Variants in HAL observed in about 807,000 individuals in gnomAD.
HAL encodes histidase.
A neutral mutation model predicts 81.1 loss-of-function variants in HAL; 85 were observed. The observed-to-expected ratio is 1.05, with a 90% CI of 0.88 to 1.25. The LOEUF (loss-of-function observed/expected upper bound fraction) is 1.25, where lower values mean the gene tolerates loss of function less well. Ranked by LOEUF, HAL falls within the 50% of genes most tolerant of loss-of-function variation. The probability of loss-of-function intolerance (pLI) is 0.00; values close to 1 mark genes in which losing one functional copy is unlikely to be tolerated. For missense variants in HAL, 798 were observed against 836.6 expected (o/e 0.95, Z 0.57); for synonymous variants, 301 against 309.2 (o/e 0.97, Z 0.28).
At chr12:95,980,441 TA>T in intron 17 of HAL, 114 bp downstream of exon 17, 2 of 951,488 alleles carry the variant, frequency 2.1e-6, no homozygotes, top group Non-Finnish European at 3.4e-6. Context: ...AGGATGCAGA[TA>T]AAAGTGGTGA....
At chr12:95,992,952 C>T (rs1370944801) in intron 8 of HAL, 147 bp from the exon 9 acceptor site, 1 of 765,140 alleles carries the variant, frequency 1.3e-6, no homozygotes, top group African/African-American at 1.7e-5. Context: ...GACTACTCTC[C>T]CTCCTGCCTG....
rs547287013 is a variant in HAL, at chr12:95,984,836, G to C, written c.1207-845C>G. 1.2e-4 allele frequency among the ~76,000 whole-genome samples: 19 copies of C among 152,284 alleles called. No individual in the cohort carries two copies. The South Asian group carries it at 2.9e-3, about 23-fold the overall frequency. On this transcript the variant is annotated intron_variant, in intron 14 of 20. Coordinates refer to ENST00000261208, the MANE Select transcript of HAL (RefSeq NM_002108.4). ...CTAATTTGGCAATTCTTACCCATAG[G>C]TGTTTTGATCTATTGCTCAATAAGC...
At chr12:95,980,521 G>A (rs765177074) in intron 17 of HAL, 35 bp downstream of exon 17, 21 of 1,600,248 alleles carry the variant, frequency 1.3e-5, no homozygotes, top group Admixed American at 8.3e-5. Context: ...TTAGATGGAC[G>A]GGCGTGTGTT....
At chr12:95,974,611 G>C (rs1195752623) in intron 20 of HAL, among the ~76,000 whole-genome samples, 2 of 152,174 alleles carry the variant, frequency 1.3e-5, no homozygotes, top group African/African-American at 4.8e-5. Context: ...AAGATTTTAA[G>C]CTGCATACTT....
intron 1 of HAL, 30 bp from the exon 2 acceptor site, chr12:95,996,021 A>C: frequency 2.0e-6 from 2 of 1,013,264 alleles, no homozygotes; most frequent in Non-Finnish European, 1.5e-6. Flanking sequence ...CTTTCAAACC[A>C]CTCCCCCTCC....
Position 95,974,320 on chromosome 12 carries a change from G to C in HAL, c.1886C>G (p.Pro629Arg), listed in dbSNP as rs1474922801. 1 of 1,612,268 alleles carries C rather than the reference G, an allele frequency of 6.2e-7. No homozygotes were observed. The highest frequency in any genetic ancestry group is 2.2e-5 in the East Asian group (1 of 44,870). Residue 629 changes from proline (P) to arginine (R), a missense_variant, in exon 21 of 21, where the codon CCA becomes CGA. Coordinates refer to ENST00000261208, the MANE Select transcript of HAL (RefSeq NM_002108.4). ...TGTTGGAGAAAGAGGTCTTGATTCT[G>C]GAATATGCTCCATTCTGTATTTTTC... is the stretch of plus-strand genomic sequence containing the variant. ...YIEKYRMEHIPESRPLSPTAF... is the reference protein window; with the variant it reads ...YIEKYRMEHIRESRPLSPTAF...
chr12:95,975,707 T>G (rs2080710561), intron 20 of HAL, among the ~76,000 whole-genome samples: 2 of 152,240 alleles, frequency 1.3e-5, no homozygotes, highest in South Asian at 4.1e-4. Context: ...GCAAGCAGCT[T>G]CCCCATCCAG....
In HAL at chr12:95,994,779, A is replaced by G; in HGVS notation, c.336+19T>C. 6.2e-7 allele frequency: 1 copy of G among 1,612,300 alleles called. No individual in the cohort carries two copies. The highest frequency in any genetic ancestry group is 1.1e-5 in the South Asian group (1 of 91,054). On this transcript the variant is annotated intron_variant, in intron 4 of 20. Coordinates refer to ENST00000261208, the MANE Select transcript of HAL (RefSeq NM_002108.4). ...GGGCCTTAATTTTCTGAAGAAAAAG[A>G]AAGTGGTTTGAAGCTTACCTTTTCA...
chr12:95,983,225 T>C (rs995978783), intron 15 of HAL, among the ~76,000 whole-genome samples: 1 of 152,112 alleles, frequency 6.6e-6, no homozygotes, highest in African/African-American at 2.4e-5. Flanking sequence ...CTGTCTCTAC[T>C]AAAAATACAA....
rs1335636696 is a variant in HAL, at chr12:95,994,090, C to T, written c.411G>A (p.Lys137=). The change falls in exon 5 of 21, where the codon AAG becomes AAA. Residue 137 remains lysine (K), a splice_region_variant and synonymous_variant. Transcript: ENST00000261208. ...ACATCTTTCCCCTCCCTCCCCATAC[C>T]TTTATTTTGTAGCGTCCCTTTCCCA... ...VNLGKGRYKI[K]LTPTAEKRVQ... The T allele has an allele frequency of 6.2e-7, 1 of 1,612,468 alleles. No individual in the cohort carries two copies.
chr12:95,981,817 G>A (rs957256313), intron 15 of HAL, among the ~76,000 whole-genome samples: 2 of 152,164 alleles, frequency 1.3e-5, no homozygotes, highest in African/African-American at 4.8e-5. Context: ...CCAGGAAAAG[G>A]CAGTAACAGA....
chr12:95,995,899 G>A lies in HAL; in HGVS notation c.12C>T (p.Tyr4=), dbSNP rs1395219699. Residue 4 remains tyrosine, a synonymous_variant, in exon 2 of 21, where the codon TAC becomes TAT. Transcript: ENST00000261208. ...GCCATTCCCCACGTACGTGCACCGT[G>A]TATCTGGGCATGGCTCCGCTGCAGC... MPR[Y]TVHVRGEWLA... The A allele has an allele frequency of 6.2e-7, 1 of 1,604,508 alleles. No homozygotes were observed. The highest frequency in any genetic ancestry group is 1.1e-5 in the South Asian group (1 of 91,070).
chr12:95,992,607 T>C lies in HAL; in HGVS notation c.715+73A>G, dbSNP rs116031658. 6.0e-3 allele frequency: 7,997 copies of C among 1,342,970 alleles called. 37 individuals carry two copies. Among genetic ancestry groups the C allele is most frequent in the Non-Finnish European group, 7.1e-3 (6,669 of 937,522 alleles). 83.2% of individuals were successfully genotyped at this position (1,342,970 alleles called of 1,614,324 possible). A position where few individuals can be genotyped will look rare whatever the true frequency, so the allele number is the denominator to read the frequency against. On this transcript the variant is annotated intron_variant, in intron 9 of 20. Coordinates refer to ENST00000261208, the MANE Select transcript of HAL (RefSeq NM_002108.4). ...TCTTCTCAGGTGATTCCTCAGCATC[T>C]GGCCAATCAATTCTACCCTGTGGTA...
chr12:95,981,430 C>G (rs1214682244), intron 15 of HAL, among the ~76,000 whole-genome samples: 1 of 152,104 alleles, frequency 6.6e-6, no homozygotes, highest in East Asian at 1.9e-4. Flanking sequence ...AAGTAGGTGG[C>G]AAGTTTAAAT....
At chr12:95,985,298 A>C (rs1246086948) in intron 14 of HAL, among the ~76,000 whole-genome samples, 1 of 152,176 alleles carries the variant, frequency 6.6e-6, no homozygotes, top group Non-Finnish European at 1.5e-5. Context: ...CTGAATCAAC[A>C]TAAGAGGTTG....
In HAL at chr12:95,993,994, G is replaced by A; in HGVS notation, c.416C>T (p.Thr139Ile). 6.2e-7 allele frequency: 1 copy of A among 1,611,416 alleles called. No individual in the cohort carries two copies. Among genetic ancestry groups the A allele is most frequent in the Non-Finnish European group, 8.5e-7 (1 of 1,177,588 alleles). ...LGKGRYKIKL[T>I]PTAEKRVQKS... ...CTGCACCCTCTTCTCAGCTGTTGGG[G>A]TGAGCTAGGAAAATGTTGATCAGAA... The change falls in exon 6 of 21, where the codon ACC (threonine) becomes ATC (isoleucine). Residue 139 changes from threonine (T) to isoleucine (I), a missense_variant. Thr to Ile is a moderately conservative substitution (Grantham distance 89). Coordinates refer to ENST00000261208, the MANE Select transcript of HAL (RefSeq NM_002108.4).
intron 15 of HAL, chr12:95,983,629 C>T: frequency 2.1e-6 from 1 of 471,488 alleles, no homozygotes; most frequent in Non-Finnish European, 3.9e-6. Context: ...GGAAACATGT[C>T]AGCCAATGCT....
In HAL at chr12:95,976,495, G is replaced by T. The variant is rs2080720782; in HGVS notation, c.1767C>A (p.Pro589=). 1 of 1,613,904 alleles carries T rather than the reference G, an allele frequency of 6.2e-7. No homozygotes were observed. The highest frequency in any genetic ancestry group is 8.5e-7 in the Non-Finnish European group (1 of 1,179,888). The change falls in exon 20 of 21, where the codon CCC becomes CCA. Residue 589 remains proline (P), a synonymous_variant. Coordinates refer to ENST00000261208, the MANE Select transcript of HAL (RefSeq NM_002108.4). The stretch of plus-strand genomic sequence containing the variant: ...GGGCCATGAAGCGATCTTTTATCCA[G>T]GGCCTACAGGGAGAGCACATCCGCC... ...VYDLVRSVVR[P]WIKDRFMAPD...
chr12:95,989,918 C>T (rs1316153629), intron 10 of HAL: 2 of 218,832 alleles, frequency 9.1e-6, no homozygotes, highest in African/African-American at 4.6e-5. Context: ...GAAATTCAGA[C>T]ACAGATGAAG....
Sources: gnomAD v4.1 joint callset for allele counts (sites outside exome capture counted in the v4.1 genomes callset) on GRCh38, gnomAD v4.1.1 for gene constraint, MANE v1.5 for transcripts, NCBI Gene and HGNC (gene_info 2026-07-23, HGNC 2026-07-21) for gene names.